Variants in IBSP observed in about 807,000 individuals in gnomAD.
IBSP encodes the protein integrin-binding sialoprotein.
A neutral mutation model predicts 25.5 loss-of-function variants in IBSP; 19 were observed. The observed-to-expected ratio is 0.74, with a 90% CI of 0.52 to 1.09. The LOEUF (loss-of-function observed/expected upper bound fraction) is 1.09, where lower values mean the gene tolerates loss of function less well. Ranked by LOEUF, IBSP falls within the 50% of genes least tolerant of loss-of-function variation. IBSP has a pLI of 0.00. For missense variants in IBSP, 360 were observed against 382.3 expected, an observed-to-expected ratio of 0.94 and a Z score of 0.49; for synonymous variants, 144 against 137.6, an observed-to-expected ratio of 1.05 and a Z score of -0.33.
At chr4:87,804,021 G>A (rs1008445145) in intron 4 of IBSP, among the ~76,000 whole-genome samples, 2 of 152,098 alleles carry the variant, frequency 1.3e-5, no homozygotes, top group East Asian at 3.8e-4. Context: ...ATATTAGGAG[G>A]CATTACATTT....
At chr4:87,809,640 C>T (rs926785842) in intron 5 of IBSP, among the ~76,000 whole-genome samples, 1 of 152,174 alleles carries the variant, frequency 6.6e-6, no homozygotes, top group Non-Finnish European at 1.5e-5. Context: ...ATGAAACAAA[C>T]ATGTGGTGCT....
At chr4:87,810,971 G>A (rs143476581) in intron 6 of IBSP, among the ~76,000 whole-genome samples, 1 of 152,238 alleles carries the variant, frequency 6.6e-6, no homozygotes, top group African/African-American at 2.4e-5. Context: ...TCCCAGGCAA[G>A]TTCTCCTACC....
At chr4:87,803,499 G>A (rs1057498509) in intron 4 of IBSP, among the ~76,000 whole-genome samples, 1 of 152,092 alleles carries the variant, frequency 6.6e-6, no homozygotes, top group Non-Finnish European at 1.5e-5. Flanking sequence ...AACAAACCAG[G>A]ATTGCACTAT....
At chr4:87,810,484 C>A in intron 5 of IBSP, 122 bp from the exon 6 acceptor site, 1 of 722,998 alleles carries the variant, frequency 1.4e-6, no homozygotes, top group South Asian at 1.9e-5. Context: ...GAGTGATCAG[C>A]CAGCTGAGGG....
Position 87,811,653 on chromosome 4 carries a change from G to T in IBSP, c.697G>T (p.Gly233Cys), listed in dbSNP as rs1256758458. Reference sequence around the variant, plus strand: ...CTCGAAGACAACAACCTCTCCAAATGGTGGGTTTGAACCTACAACCCCACC... The same window carrying T: ...CTCGAAGACAACAACCTCTCCAAATTGTGGGTTTGAACCTACAACCCCACC... The part of the protein sequence containing the change: ...GTSKTTTSPN[G>C]GFEPTTPPQV... The change falls in exon 7 of 7, where the codon GGT becomes TGT. Residue 233 changes from glycine to cysteine, a missense_variant. Gly to Cys is a radical substitution (Grantham distance 159). Coordinates refer to ENST00000226284, the MANE Select transcript of IBSP (RefSeq NM_004967.4). 6.2e-7 allele frequency: 1 copy of T among 1,613,560 alleles called. No homozygotes were observed. The highest frequency in any genetic ancestry group is 8.5e-7 in the Non-Finnish European group (1 of 1,179,932).
At chr4:87,802,284 T>C (rs1030018205) in intron 1 of IBSP, 64 bp from the exon 2 acceptor site, 1 of 935,148 alleles carries the variant, frequency 1.1e-6, no homozygotes, top group South Asian at 1.5e-5. Context: ...TCTTTGAATA[T>C]GAGTAAAAAA....
intron 5 of IBSP, among the ~76,000 whole-genome samples, chr4:87,808,025 C>CT: frequency 6.6e-6 from 1 of 152,222 alleles, no homozygotes; most frequent in South Asian, 2.1e-4. Context: ...TCTGAAACAT[C>CT]TTTTTTCCTC....
chr4:87,805,067 A>G (rs1722072193), intron 4 of IBSP, among the ~76,000 whole-genome samples: 1 of 152,166 alleles, frequency 6.6e-6, no homozygotes, highest in African/African-American at 2.4e-5. Flanking sequence ...CGAGGTGACA[A>G]GCATTCCCTT....
In IBSP at chr4:87,802,757, C is replaced by G. The variant is rs747149683; in HGVS notation, c.183+26C>G. Reference sequence around the variant, plus strand: ...GTAAATATAGAAATTCATTTTTCTTCAGTTTAATTTCTATTATAATTTAAA... The same window carrying G: ...GTAAATATAGAAATTCATTTTTCTTGAGTTTAATTTCTATTATAATTTAAA... On this transcript the variant is annotated intron_variant, in intron 4 of 6. Transcript: ENST00000226284. The G allele has an allele frequency of 5.0e-6, 7 of 1,392,614 alleles. No homozygotes were observed. The South Asian group carries it at 1.1e-4, about 21-fold the overall frequency. 86.3% of individuals were successfully genotyped at this position (1,392,614 alleles called of 1,614,324 possible).
chr4:87,800,222 G>A (rs533723142), intron 1 of IBSP, among the ~76,000 whole-genome samples: 1 of 152,150 alleles, frequency 6.6e-6, no homozygotes, highest in South Asian at 2.1e-4. Flanking sequence ...GGTTAGTAGT[G>A]GTCACTATAG....
In IBSP at chr4:87,800,435, C is replaced by T. The variant is rs534402949; in HGVS notation, c.-15+802C>T. On this transcript the variant is annotated intron_variant, in intron 1 of 6. Coordinates refer to ENST00000226284, the MANE Select transcript of IBSP (RefSeq NM_004967.4). ...ATTCTATGTATCTAAGCTTTTAGCT[C>T]TTTAAAATATTATAAATATTCCGAC... 5.8e-4 allele frequency among the ~76,000 whole-genome samples: 89 copies of T among 152,234 alleles called. 2 individuals are homozygous for T. The highest frequency in any genetic ancestry group is 2.0e-3 in the African/African-American group (85 of 41,558).
intron 1 of IBSP, 78 bp from the exon 2 acceptor site, chr4:87,802,270 T>C: frequency 1.2e-6 from 1 of 813,778 alleles, no homozygotes; most frequent in Non-Finnish European, 2.0e-6. Flanking sequence ...AATTAAATAC[T>C]TCATCTTTGA....
At chr4:87,801,171 T>G (rs1303476472) in intron 1 of IBSP, among the ~76,000 whole-genome samples, 1 of 152,146 alleles carries the variant, frequency 6.6e-6, no homozygotes, top group African/African-American at 2.4e-5. Flanking sequence ...ATTCCCACTT[T>G]GAGAGCTGCA....
chr4:87,810,728 G>A lies in IBSP; in HGVS notation c.369G>A (p.Gly123=), dbSNP rs1201087453. ...GYGEDATPGT[G]YTGLAAIQLP... ...GAGAGGACGCCACGCCTGGCACAGG[G>A]TATACAGGGTTAGCTGCAATCCAGC... The change falls in exon 6 of 7, where the codon GGG becomes GGA. Residue 123 remains glycine, a synonymous_variant. Transcript: ENST00000226284. The A allele has an allele frequency of 1.2e-6, 2 of 1,613,624 alleles. No homozygotes were observed. Among genetic ancestry groups the A allele is most frequent in the Non-Finnish European group, 1.7e-6 (2 of 1,179,880 alleles).
At chr4:87,810,220 A>AAAAAC (rs1375814121) in intron 5 of IBSP, among the ~76,000 whole-genome samples, 1 of 138,302 alleles carries the variant, frequency 7.2e-6, no homozygotes, top group African/African-American at 2.7e-5. Flanking sequence ...ATGACTCTGC[A>AAAAAC]AAAACAAAAC....
chr4:87,810,834 T>C (rs2110058498), intron 6 of IBSP, 70 bp downstream of exon 6: 1 of 1,418,604 alleles, frequency 7.0e-7, no homozygotes, highest in Non-Finnish European at 9.7e-7. Context: ...TCAATCTTTT[T>C]TAAACTTTTT....
At chr4:87,802,258 C>A in intron 1 of IBSP, 90 bp from the exon 2 acceptor site, 3 of 735,242 alleles carry the variant, frequency 4.1e-6, no homozygotes, top group Non-Finnish European at 4.5e-6. Flanking sequence ...GAAATGAAAA[C>A]AAATTAAATA....
At chr4:87,801,179 G>T (rs1313923732) in intron 1 of IBSP, among the ~76,000 whole-genome samples, 1 of 152,056 alleles carries the variant, frequency 6.6e-6, no homozygotes, top group Non-Finnish European at 1.5e-5. Context: ...TTTGAGAGCT[G>T]CATCTTCGAT....
chr4:87,802,458 T>C, intron 2 of IBSP, 43 bp downstream of exon 2: 2 of 1,595,442 alleles, frequency 1.3e-6, no homozygotes, highest in Non-Finnish European at 1.7e-6. Context: ...CAGTTTTGTC[T>C]TTTTATGTAA....
Sources: gnomAD v4.1 joint callset for allele counts (sites outside exome capture counted in the v4.1 genomes callset) on GRCh38, gnomAD v4.1.1 for gene constraint, MANE v1.5 for transcripts, NCBI Gene and HGNC (gene_info 2026-07-23, HGNC 2026-07-21) for gene names.